STRA6: variants seen among roughly 807,000 people sequenced by gnomAD.
STRA6 encodes receptor for retinol uptake STRA6.
Under a neutral mutation model 83.6 loss-of-function variants are expected in STRA6, and 48 were observed. The ratio of observed to expected loss-of-function variants is 0.57; its 90% CI spans 0.46 to 0.73. STRA6 has a LOEUF of 0.73. Ranked by LOEUF, STRA6 falls within the 30% of genes least tolerant of loss-of-function variation. The probability of loss-of-function intolerance (pLI) is 0.00; values close to 1 mark genes in which losing one functional copy is unlikely to be tolerated. For synonymous variants in STRA6, 353 were observed against 362.3 expected (o/e 0.97, Z 0.29); for missense variants, 760 against 838.8 (o/e 0.91, Z 1.16).
chr15:74,211,494 G>A (rs902242774), upstream of STRA6, among the ~76,000 whole-genome samples: 2 of 149,416 alleles, frequency 1.3e-5, no homozygotes, highest in Non-Finnish European at 3.0e-5. Context: ...TCCGCCTCCT[G>A]GGTTCAAGCG....
intron 12 of STRA6, among the ~76,000 whole-genome samples, chr15:74,185,825 C>T (rs2073220606): frequency 2.6e-5 from 4 of 152,236 alleles, no homozygotes; most frequent in Non-Finnish European, 4.4e-5. Context: ...GAGAGGGCTT[C>T]GCCCAGACAG....
Position 74,179,958 on chromosome 15 carries a change from T to A in STRA6, c.*122A>T. ...ACAGACCTCCACCCAACCACAGTGATCCGGAGGACCTGCTGGCTGCATGGC... is the reference window on the plus strand; with the variant it reads ...ACAGACCTCCACCCAACCACAGTGAACCGGAGGACCTGCTGGCTGCATGGC... On this transcript the variant is annotated 3_prime_UTR_variant, in exon 19 of 19. Transcript: ENST00000395105. The A allele has an allele frequency of 7.4e-7, 1 of 1,347,804 alleles. No individual in the cohort carries two copies. Among genetic ancestry groups the A allele is most frequent in the Non-Finnish European group, 1.0e-6 (1 of 967,586 alleles). The allele number at this position is 1,347,804 out of a possible 1,614,324, so 83.5% of individuals were successfully genotyped here. A position where few individuals can be genotyped will look rare whatever the true frequency, so the allele number is the denominator to read the frequency against.
chr15:74,194,731 TTGAATGAATGGGTGAG>T (rs2142048037), intron 7 of STRA6: 1 of 1,228,800 alleles, frequency 8.1e-7, no homozygotes, highest in South Asian at 3.8e-5. Flanking sequence ...AAATATGTTG[TTGAATGAATGGGTGAG>T]TGAATGAATG....
rs565684723 is a variant in STRA6 at position 74,199,152 on chromosome 15, G to A, written c.114-1334C>T. ...CCCTGCCTGCACAGAGGGCTTAGCC[G>A]CCCACCAAAACGCCCTCCACTGTAT... On this transcript the variant is annotated intron_variant, in intron 2 of 18. Coordinates refer to ENST00000395105, the MANE Select transcript of STRA6 (RefSeq NM_022369.4). Among the ~76,000 whole-genome samples the A allele has an allele frequency of 7.2e-5, 11 of 152,346 alleles. No individual in the cohort carries two copies. The South Asian group carries it at 1.0e-3, about 14-fold the overall frequency.
rs749613939 is a variant in STRA6 at position 74,189,254 on chromosome 15, G to A, written c.951C>T (p.Gly317=). 1.4e-5 allele frequency: 22 copies of A among 1,603,518 alleles called. No individual in the cohort carries two copies. The highest frequency in any genetic ancestry group is 1.3e-4 in the East Asian group (6 of 44,528). Residue 317 remains glycine, a synonymous_variant, in exon 12 of 19, where the codon GGC becomes GGT. Coordinates refer to ENST00000395105, the MANE Select transcript of STRA6 (RefSeq NM_022369.4). ...TCACCTTCTGGATAGTGGGTACCAC[G>A]CCCACCAGCAGCAGCAGGGCCACCT... ...IYQVALLLLV[G]VVPTIQKVRA... is the part of the protein sequence containing the mutation.
At position 74,180,909 on chromosome 15, in the gene STRA6, C is replaced by A. The variant is rs200081135; in HGVS notation, c.1713G>T (p.Lys571Asn). ...PGYYTYRNFL[K>N]IEVSQSHPAM... ...CTGGATGCGACTGGCTGACTTCAAT[C>A]TTCAAGAAGTTTCGGTACGTGTAGT... The change falls in exon 18 of 19, where the codon AAG becomes AAT. Residue 571 changes from lysine to asparagine, a missense_variant. Coordinates refer to ENST00000395105, the MANE Select transcript of STRA6 (RefSeq NM_022369.4). The A allele has an allele frequency of 8.6e-5, 138 of 1,614,032 alleles. No individual in the cohort carries two copies. Among genetic ancestry groups the A allele is most frequent in the Middle Eastern group, 1.7e-4 (1 of 6,060 alleles).
upstream of STRA6, among the ~76,000 whole-genome samples, chr15:74,203,531 T>A (rs966206601): frequency 6.6e-6 from 1 of 152,252 alleles, no homozygotes; most frequent in Non-Finnish European, 1.5e-5. Flanking sequence ...TCTCTGTCCT[T>A]CCAATACCCT....
At chr15:74,197,894 C>A in intron 2 of STRA6, 76 bp from the exon 3 acceptor site, 1 of 1,475,330 alleles carries the variant, frequency 6.8e-7, no homozygotes. Context: ...GGGTTCAAGA[C>A]TGTTCACACT....
At chr15:74,203,320 T>C, upstream of STRA6, 1 of 491,098 alleles carries the variant, frequency 2.0e-6, no homozygotes, top group Non-Finnish European at 2.6e-6. Context: ...GAGCCCCGCC[T>C]GCCTCCTGCT....
intron 15 of STRA6, 26 bp downstream of exon 15, chr15:74,182,317 A>T: frequency 1.2e-6 from 2 of 1,613,886 alleles, no homozygotes; most frequent in South Asian, 1.1e-5. Context: ...GGAGTCCCTG[A>T]GCCCTCCATG....
At chr15:74,190,422 G>C (rs932800142) in intron 11 of STRA6, among the ~76,000 whole-genome samples, 3 of 147,348 alleles carry the variant, frequency 2.0e-5, no homozygotes, top group Non-Finnish European at 2.9e-5. Flanking sequence ...TGGTTTTTTC[G>C]GGGTTTTTTT....
chr15:74,184,836 C>T (rs557902052), intron 13 of STRA6, 144 bp downstream of exon 13: 63 of 783,950 alleles, frequency 8.0e-5, no homozygotes, highest in South Asian at 6.3e-4. Context: ...CCCACTGCAG[C>T]GCAGCCACGC....
chr15:74,194,290 C>T, intron 7 of STRA6: 1 of 1,092,906 alleles, frequency 9.1e-7, no homozygotes, highest in South Asian at 1.9e-5. Flanking sequence ...CCTTTGCCTA[C>T]ATATAGTTTT....
intron 13 of STRA6, 39 bp from the exon 14 acceptor site, chr15:74,184,028 A>C (rs1197026158): frequency 6.2e-7 from 1 of 1,608,862 alleles, no homozygotes; most frequent in Non-Finnish European, 8.5e-7. Flanking sequence ...CTCAGGGAGC[A>C]ACACACTCTT....
upstream of STRA6, among the ~76,000 whole-genome samples, chr15:74,211,867 C>T (rs1201259284): frequency 6.6e-6 from 1 of 151,938 alleles, no homozygotes; most frequent in African/African-American, 2.4e-5. Flanking sequence ...TCTGTCTCTC[C>T]TCCTCCTTCT....
chr15:74,180,181 C>T lies in STRA6; in HGVS notation c.1903G>A (p.Gly635Ser), dbSNP rs145614612. Residue 635 changes from glycine (G) to serine (S), a missense_variant, in exon 19 of 19, where the codon GGC (glycine) becomes AGC (serine). Coordinates refer to ENST00000395105, the MANE Select transcript of STRA6 (RefSeq NM_022369.4). ...TAGGCCAGACCCCAGCGAGCCCTGC[C>T]GCGGCTGGCCCCGGGCCTAGCTCCC... is the stretch of plus-strand genomic sequence containing the variant. ...AKGARPGASR[G>S]RARWGLAYTL... 0.011 allele frequency: 17,178 copies of T among 1,613,962 alleles called. 114 individuals are homozygous for T. Among genetic ancestry groups the T allele is most frequent in the Non-Finnish European group, 0.013 (15,013 of 1,179,976 alleles).
intron 10 of STRA6, 76 bp downstream of exon 10, chr15:74,191,091 T>G: frequency 1.3e-6 from 2 of 1,586,372 alleles, no homozygotes; most frequent in Non-Finnish European, 1.7e-6. Context: ...CAGGAGCCAG[T>G]CCTCCACTGC....
chr15:74,201,370 A>T (rs1233825524), intron 2 of STRA6, among the ~76,000 whole-genome samples: 1 of 152,206 alleles, frequency 6.6e-6, no homozygotes, highest in Non-Finnish European at 1.5e-5. Context: ...GGATGGGGCC[A>T]GGCCTGGGAA....
At chr15:74,201,277 A>G (rs934386275) in intron 2 of STRA6, among the ~76,000 whole-genome samples, 7 of 152,152 alleles carry the variant, frequency 4.6e-5, no homozygotes, top group African/African-American at 1.7e-4. Flanking sequence ...TTGATGGAGA[A>G]CAGATGTGCA....
Sources: gnomAD v4.1 joint callset for allele counts (sites outside exome capture counted in the v4.1 genomes callset) on GRCh38, gnomAD v4.1.1 for gene constraint, MANE v1.5 for transcripts, NCBI Gene and HGNC (gene_info 2026-07-23, HGNC 2026-07-21) for gene names.